Variants in CFAP54 observed in about 807,000 individuals in gnomAD.
The protein encoded by CFAP54 is cilia- and flagella-associated protein 54.
CFAP54 carries 290 observed loss-of-function variants against 370.4 expected under a neutral mutation model. The ratio of observed to expected loss-of-function variants is 0.78; its 90% CI spans 0.71 to 0.86. CFAP54 has a LOEUF of 0.86. Ranked by LOEUF, CFAP54 falls within the 40% of genes least tolerant of loss-of-function variation. CFAP54 has a pLI of 0.00. For missense variants in CFAP54, 3,399 were observed against 3,528.7 expected, an observed-to-expected ratio of 0.96 and a Z score of 0.93; for synonymous variants, 1,206 against 1,236.5, an observed-to-expected ratio of 0.98 and a Z score of 0.52.
chr12:96,780,830 T>C (rs1958573279), intron 60 of CFAP54, among the ~76,000 whole-genome samples: 1 of 152,096 alleles, frequency 6.6e-6, no homozygotes, highest in African/African-American at 2.4e-5. Context: ...TCACCAGCAA[T>C]AGTAGATGCT....
intron 1 of CFAP54, among the ~76,000 whole-genome samples, chr12:96,499,801 C>G (rs910239472): frequency 2.6e-5 from 4 of 152,058 alleles, no homozygotes; most frequent in African/African-American, 9.7e-5. Context: ...CAACAATCAG[C>G]CAGGCATGGT....
intron 26 of CFAP54, among the ~76,000 whole-genome samples, chr12:96,608,308 T>TACAC (rs5800256): frequency 6.9e-4 from 104 of 150,794 alleles, no homozygotes; most frequent in Admixed American, 1.2e-3. Context: ...CATATATATA[T>TACAC]ACACACACAC....
rs561429086 is a variant in CFAP54, at chr12:96,537,633, C to T, written c.1792-751C>T. Among the ~76,000 whole-genome samples the T allele has an allele frequency of 4.6e-5, 7 of 152,188 alleles. No individual in the cohort carries two copies. In the East Asian group the frequency reaches 5.8e-4, roughly 13 times the overall value. ...CTGGGATTATAGGTCTGAGCCGCTGCGCCTGTCCAATTCCTTATTATTTTA... is the reference window on the plus strand; with the variant it reads ...CTGGGATTATAGGTCTGAGCCGCTGTGCCTGTCCAATTCCTTATTATTTTA... On this transcript the variant is annotated intron_variant, in intron 12 of 67. Transcript: ENST00000524981.
intron 45 of CFAP54, among the ~76,000 whole-genome samples, chr12:96,694,790 G>C (rs181844651): frequency 6.6e-6 from 1 of 151,936 alleles, no homozygotes; most frequent in Admixed American, 6.5e-5. Context: ...TTGGGAGGCC[G>C]GGGTGGGCGG....
At chr12:96,720,672 C>T (rs1957740516) in intron 50 of CFAP54, 107 bp downstream of exon 50, 1 of 899,534 alleles carries the variant, frequency 1.1e-6, no homozygotes, top group Non-Finnish European at 1.5e-6. Context: ...TTCCTATATC[C>T]ATAGTATGCT....
At chr12:96,574,382 A>G (rs1955955220) in intron 19 of CFAP54, among the ~76,000 whole-genome samples, 1 of 152,174 alleles carries the variant, frequency 6.6e-6, no homozygotes, top group Non-Finnish European at 1.5e-5. Context: ...TGTTGAATTA[A>G]CTAGAACTTC....
intron 14 of CFAP54, among the ~76,000 whole-genome samples, chr12:96,544,481 T>G (rs1955616408): frequency 8.1e-6 from 1 of 124,120 alleles, no homozygotes; most frequent in Non-Finnish European, 1.9e-5. Context: ...CTCCTTTTTC[T>G]CTCCAAGGAT....
intron 5 of CFAP54, 41 bp downstream of exon 5, chr12:96,513,085 T>C (rs1955190745): frequency 1.6e-6 from 2 of 1,278,904 alleles, no homozygotes; most frequent in South Asian, 3.3e-5. Context: ...CTCTATTTCC[T>C]GTTTTATTTT....
intron 20 of CFAP54, among the ~76,000 whole-genome samples, chr12:96,577,631 A>G (rs1265721221): frequency 6.8e-6 from 1 of 146,292 alleles, no homozygotes; most frequent in Non-Finnish European, 1.5e-5. Context: ...AGCTAAATAC[A>G]TTTCCTGAGT....
Position 96,793,872 on chromosome 12 carries a change from A to G in CFAP54, c.8850+1373A>G, listed in dbSNP as rs979338833. Among the ~76,000 whole-genome samples, 9 of 150,080 alleles carry G rather than the reference A, an allele frequency of 6.0e-5. 1 individual carries two copies. The highest frequency in any genetic ancestry group is 1.2e-4 in the Non-Finnish European group (8 of 67,552). The stretch of plus-strand genomic sequence containing the variant: ...GTATATCTTCTTTTGAGAATTGTCT[A>G]TTCATGTCCTTAGCCCACTTTTTGA... On this transcript the variant is annotated intron_variant, in intron 63 of 67. Transcript: ENST00000524981.
At chr12:96,518,292 C>G (rs1225206932) in intron 5 of CFAP54, among the ~76,000 whole-genome samples, 4 of 152,188 alleles carry the variant, frequency 2.6e-5, no homozygotes. Context: ...GAATCATATA[C>G]TGGTTCCAGG....
chr12:96,798,656 G>T (rs1282139145), intron 63 of CFAP54, among the ~76,000 whole-genome samples: 1 of 152,102 alleles, frequency 6.6e-6, no homozygotes, highest in African/African-American at 2.4e-5. Context: ...ATCTTGAGTA[G>T]ATTAGTTAAC....
At chr12:96,628,928 CA>C (rs11308912) in intron 30 of CFAP54, among the ~76,000 whole-genome samples, 87,116 of 147,040 alleles carry the variant, frequency 0.59, 25,514 homozygotes, top group Admixed American at 0.63. Context: ...AATATAAATT[CA>C]AAAAAAAAAA....
intron 39 of CFAP54, among the ~76,000 whole-genome samples, 169 bp downstream of exon 39, chr12:96,664,101 G>A (rs1238555265): frequency 2.6e-5 from 4 of 152,134 alleles, no homozygotes; most frequent in Admixed American, 2.0e-4. Context: ...TGCTATAAAT[G>A]TTACTTAAGG....
intron 50 of CFAP54, among the ~76,000 whole-genome samples, chr12:96,733,547 T>TG (rs1325374124): frequency 7.0e-6 from 1 of 142,124 alleles, no homozygotes; most frequent in Non-Finnish European, 1.5e-5. Context: ...TGTGGGTTTT[T>TG]TTTTTTTTTT....
chr12:96,818,357 G>A (rs145083423), intron 65 of CFAP54, among the ~76,000 whole-genome samples: 37 of 152,094 alleles, frequency 2.4e-4, no homozygotes, highest in African/African-American at 8.2e-4. Context: ...GCTGTTATCC[G>A]TATAGTATGC....
At chr12:96,653,584 C>T (rs1956885523) in intron 36 of CFAP54, among the ~76,000 whole-genome samples, 1 of 151,852 alleles carries the variant, frequency 6.6e-6, no homozygotes, top group Non-Finnish European at 1.5e-5. Flanking sequence ...AATAATAACA[C>T]ATCAAAATGT....
rs138216282 is a variant in CFAP54, at chr12:96,589,282, C to T, written c.3076-145C>T. The T allele has an allele frequency of 4.1e-4, 276 of 679,872 alleles. No individual in the cohort carries two copies. In the African/African-American group the frequency reaches 4.4e-3, roughly 11 times the overall value. 42.1% of individuals were successfully genotyped at this position (679,872 alleles called of 1,614,324 possible). A position where few individuals can be genotyped will look rare whatever the true frequency, so the allele number is the denominator to read the frequency against. Reference sequence around the variant, plus strand: ...CTGACCATGGCACTATAGAACAGAACAGCAAATGTGAATGATTGTATCTGA... The same window carrying T: ...CTGACCATGGCACTATAGAACAGAATAGCAAATGTGAATGATTGTATCTGA... On this transcript the variant is annotated intron_variant, in intron 22 of 67. Coordinates refer to ENST00000524981, the MANE Select transcript of CFAP54 (RefSeq NM_001306084.2).
intron 32 of CFAP54, among the ~76,000 whole-genome samples, chr12:96,636,951 T>C (rs1956669844): frequency 6.6e-6 from 1 of 152,148 alleles, no homozygotes; most frequent in Admixed American, 6.5e-5. Flanking sequence ...TCAGTGGCTT[T>C]TGTTACAGTC....
Sources: gnomAD v4.1 joint callset for allele counts (sites outside exome capture counted in the v4.1 genomes callset) on GRCh38, gnomAD v4.1.1 for gene constraint, MANE v1.5 for transcripts, NCBI Gene and HGNC (gene_info 2026-07-23, HGNC 2026-07-21) for gene names.